NAALADL2: variants seen among roughly 807,000 people sequenced by gnomAD.
The protein encoded by NAALADL2 is N-acetylated alpha-linked acidic dipeptidase like 2.
In NAALADL2, 76 loss-of-function variants were observed where a neutral mutation model predicts 87.2. The ratio of observed to expected loss-of-function variants is 0.87; its 90% CI spans 0.72 to 1.05. The LOEUF is 1.05. Among genes scored for constraint, NAALADL2 ranks in the 50% least tolerant of loss-of-function variants. The pLI, the probability that NAALADL2 is intolerant of heterozygous loss-of-function variation, is 0.00. For synonymous variants in NAALADL2, 354 were observed against 331.0 expected (o/e 1.07, Z -0.75); for missense variants, 1,089 against 945.8 (o/e 1.15, Z -1.99).
intron 13 of NAALADL2, among the ~76,000 whole-genome samples, chr3:175,788,088 G>GTTTTTTTTTTTTTTTTTTTTTTTTTT (rs1004422588): frequency 9.6e-6 from 1 of 104,260 alleles, no homozygotes; most frequent in Non-Finnish European, 1.9e-5. Context: ...TTTTTTACCT[G>GTTTTTTTTTTTTTTTTTTTTTTTTTT]TTTTTTTTTT....
intron 3 of NAALADL2, among the ~76,000 whole-genome samples, chr3:175,248,252 T>C (rs1748371952): frequency 6.6e-6 from 1 of 152,226 alleles, no homozygotes; most frequent in African/African-American, 2.4e-5. Context: ...GATTTCTTTA[T>C]TTGTAAAAAG....
At chr3:174,492,197 T>A (rs187538412) in intron 1 of NAALADL2, among the ~76,000 whole-genome samples, 2 of 151,750 alleles carry the variant, frequency 1.3e-5, no homozygotes, top group East Asian at 2.0e-4. Context: ...TGGAACCCAG[T>A]TGATGGAGGT....
intron 3 of NAALADL2, among the ~76,000 whole-genome samples, chr3:174,820,944 A>G (rs984227181): frequency 6.6e-6 from 1 of 152,236 alleles, no homozygotes; most frequent in Non-Finnish European, 1.5e-5. Context: ...ATAAAGTTTG[A>G]GTATCCAGAC....
At chr3:175,610,748 C>T (rs925005319) in intron 10 of NAALADL2, among the ~76,000 whole-genome samples, 1 of 152,022 alleles carries the variant, frequency 6.6e-6, no homozygotes, top group African/African-American at 2.4e-5. Flanking sequence ...TGAAGAAATA[C>T]TAAGCACTGG....
intron 4 of NAALADL2, among the ~76,000 whole-genome samples, chr3:175,268,582 C>A (rs969042180): frequency 2.0e-5 from 3 of 151,958 alleles, no homozygotes; most frequent in Non-Finnish European, 4.4e-5. Flanking sequence ...GAACTTTTTA[C>A]TTTTTTAAAC....
chr3:175,772,110 C>T (rs1418039566), intron 13 of NAALADL2, among the ~76,000 whole-genome samples: 2 of 152,114 alleles, frequency 1.3e-5, no homozygotes, highest in African/African-American at 2.4e-5. Flanking sequence ...ACGCTTTTTG[C>T]AAATAAGGTA....
At chr3:174,978,864 A>G (rs1243039406) in intron 1 of NAALADL2, among the ~76,000 whole-genome samples, 2 of 152,214 alleles carry the variant, frequency 1.3e-5, no homozygotes, top group Admixed American at 1.3e-4. Context: ...ACTTGTGTTT[A>G]ATGTATTTTA....
intron 9 of NAALADL2, among the ~76,000 whole-genome samples, chr3:175,484,541 A>G (rs1348757054): frequency 6.6e-6 from 1 of 152,138 alleles, no homozygotes; most frequent in Admixed American, 6.6e-5. Context: ...AAGAAAATAA[A>G]TTATGTTTTA....
At chr3:175,244,866 A>T (rs1309502211) in intron 3 of NAALADL2, among the ~76,000 whole-genome samples, 1 of 152,124 alleles carries the variant, frequency 6.6e-6, no homozygotes, top group African/African-American at 2.4e-5. Flanking sequence ...GCATGTCAGC[A>T]TTGAAAGTTT....
intron 9 of NAALADL2, among the ~76,000 whole-genome samples, chr3:175,547,623 A>G (rs2149483434): frequency 1.3e-5 from 2 of 152,274 alleles, no homozygotes; most frequent in South Asian, 4.1e-4. Flanking sequence ...TGAATAGACA[A>G]CCTGAAGAAT....
chr3:175,386,214 T>C (rs1479021952), intron 5 of NAALADL2, among the ~76,000 whole-genome samples: 1 of 138,928 alleles, frequency 7.2e-6, no homozygotes, highest in Non-Finnish European at 1.5e-5. Flanking sequence ...TGAATTTGGT[T>C]GATAGATCAT....
At chr3:174,940,335 C>T (rs1240571061) in intron 1 of NAALADL2, among the ~76,000 whole-genome samples, 1 of 152,116 alleles carries the variant, frequency 6.6e-6, no homozygotes, top group Non-Finnish European at 1.5e-5. Context: ...TATGTAGAAC[C>T]AATCTTGCAT....
chr3:174,989,665 T>C (rs917502027), intron 1 of NAALADL2, among the ~76,000 whole-genome samples: 3 of 152,060 alleles, frequency 2.0e-5, no homozygotes, highest in African/African-American at 7.2e-5. Flanking sequence ...ATAAAGAAGA[T>C]GAGTTTAAAG....
intron 1 of NAALADL2, among the ~76,000 whole-genome samples, chr3:174,883,431 A>T (rs529764775): frequency 4.6e-5 from 7 of 152,286 alleles, no homozygotes; most frequent in Middle Eastern, 3.4e-3. Context: ...GCCTAACATG[A>T]CACAACTATC....
Position 175,710,466 on chromosome 3 carries a change from A to G in NAALADL2, c.1897-26840A>G, listed in dbSNP as rs1740373717. ...GCGGTATTTAATCTACTTATTTCTA[A>G]AATAATGAAGTTTCTACAAGTGTCT... is the stretch of plus-strand genomic sequence containing the variant. On this transcript the variant is annotated intron_variant, in intron 11 of 13. Coordinates refer to ENST00000454872, the MANE Select transcript of NAALADL2 (RefSeq NM_207015.3). 1.3e-5 allele frequency among the ~76,000 whole-genome samples: 2 copies of G among 151,890 alleles called. 1 individual carries two copies. The highest frequency in any genetic ancestry group is 4.1e-4 in the South Asian group (2 of 4,826).
At chr3:175,643,563 C>G (rs1221889642) in intron 11 of NAALADL2, among the ~76,000 whole-genome samples, 1 of 152,022 alleles carries the variant, frequency 6.6e-6, no homozygotes, top group African/African-American at 2.4e-5. Flanking sequence ...AGGTGCTATC[C>G]TGGATTTATA....
At chr3:175,738,224 T>G (rs1288666819) in intron 12 of NAALADL2, among the ~76,000 whole-genome samples, 2 of 152,038 alleles carry the variant, frequency 1.3e-5, no homozygotes, top group Admixed American at 6.6e-5. Context: ...GCCAGATATC[T>G]CCAATAGCTG....
chr3:174,882,045 C>T (rs564216677), intron 1 of NAALADL2, among the ~76,000 whole-genome samples: 1 of 152,082 alleles, frequency 6.6e-6, no homozygotes, highest in Non-Finnish European at 1.5e-5. Context: ...TTTTGTATAG[C>T]TTTAATAGTT....
chr3:174,464,389 T>C (rs1168777699), intron 1 of NAALADL2, among the ~76,000 whole-genome samples: 1 of 151,768 alleles, frequency 6.6e-6, no homozygotes, highest in East Asian at 1.9e-4. Flanking sequence ...ATTTTTTTTT[T>C]TTTTGGTGCA....
Sources: gnomAD v4.1 joint callset for allele counts (sites outside exome capture counted in the v4.1 genomes callset) on GRCh38, gnomAD v4.1.1 for gene constraint, MANE v1.5 for transcripts, NCBI Gene and HGNC (gene_info 2026-07-23, HGNC 2026-07-21) for gene names.